The following ENKUR variants were observed in gnomAD, a reference collection of about 807,000 sequenced individuals.
The protein encoded by ENKUR is enkurin, TRPC channel interacting protein, also known as enkurin.
In ENKUR, 19 loss-of-function variants were observed where a neutral mutation model predicts 27.6. The ratio of observed to expected loss-of-function variants is 0.69; its 90% confidence interval spans 0.48 to 1.01. ENKUR has a LOEUF of 1.01. ENKUR is among the 50% of genes least tolerant of loss of function. ENKUR has a pLI of 0.00. For synonymous variants in ENKUR, 117 were observed against 96.9 expected (o/e 1.21, Z -1.22); for missense variants, 312 against 310.5 (o/e 1.00, Z -0.04).
At chr10:25,056,774 G>C (rs1475693833) in intron 2 of ENKUR, among the ~76,000 whole-genome samples, 3 of 152,162 alleles carry the variant, frequency 2.0e-5, no homozygotes, top group African/African-American at 7.2e-5. Flanking sequence ...TCATATCATT[G>C]GGGTGTCAAT....
upstream of ENKUR, among the ~76,000 whole-genome samples, chr10:25,020,554 T>C (rs11014350): frequency 0.25 from 38,372 of 151,622 alleles, 5,705 homozygotes; most frequent in East Asian, 0.5. Context: ...ATTGCTTGAG[T>C]TCAGGAGTTC....
Position 24,984,117 on chromosome 10 carries a change from C to T in ENKUR, c.*253G>A. The T allele has an allele frequency of 2.5e-6, 1 of 405,994 alleles. No homozygotes were observed. 25.1% of individuals were successfully genotyped at this position (405,994 alleles called of 1,614,324 possible). On this transcript the variant is annotated 3_prime_UTR_variant, in exon 6 of 6. Coordinates refer to ENST00000331161, the MANE Select transcript of ENKUR (RefSeq NM_145010.4). ...CAATGATGCCTTTATAAGTTGTCATCTTGATTTTGTAAGTTGTCTTCTTAA... is the reference window on the plus strand; with the variant it reads ...CAATGATGCCTTTATAAGTTGTCATTTTGATTTTGTAAGTTGTCTTCTTAA...
intron 2 of ENKUR, among the ~76,000 whole-genome samples, chr10:25,050,129 AACTC>A (rs1335834912): frequency 6.6e-6 from 1 of 152,124 alleles, no homozygotes; most frequent in African/African-American, 2.4e-5. Context: ...ACTGAGCAAG[AACTC>A]ACTCATCACC....
chr10:25,008,734 G>T lies in ENKUR; in HGVS notation c.77+7126C>A, dbSNP rs900806982. On this transcript the variant is annotated intron_variant, in intron 1 of 5. Transcript: ENST00000331161. ...GGATCTAGAACTAGAAATACCATTT[G>T]ACCCAGCCATCCCATTACTGGGTAT... 4.6e-5 allele frequency among the ~76,000 whole-genome samples: 7 copies of T among 152,284 alleles called. No homozygotes were observed. In the East Asian group the frequency reaches 1.4e-3, roughly 29 times the overall value.
At chr10:25,000,953 T>G (rs1850177234) in intron 1 of ENKUR, among the ~76,000 whole-genome samples, 1 of 152,096 alleles carries the variant, frequency 6.6e-6, no homozygotes, top group South Asian at 2.1e-4. Context: ...TTATAGCATT[T>G]AACATGTGGT....
rs74122940 is a variant in ENKUR at position 25,050,739 on chromosome 10, C to T, written c.37+10373G>A. On this transcript the variant is annotated intron_variant, in intron 2 of 5. Transcript: ENST00000615958. ...CAGTGAAACCCAGGATTAGATGCTG[C>T]GGTTTGTGGAGAATTTCTTAAAAGG... is the stretch of plus-strand genomic sequence containing the variant. Among the ~76,000 whole-genome samples the T allele has an allele frequency of 4.8e-3, 737 of 152,092 alleles. 9 individuals carry two copies. Among genetic ancestry groups the T allele is most frequent in the African/African-American group, 0.017 (692 of 41,512 alleles).
intron 4 of ENKUR, among the ~76,000 whole-genome samples, chr10:24,985,185 G>T (rs540007168): frequency 6.6e-6 from 1 of 152,118 alleles, no homozygotes; most frequent in Non-Finnish European, 1.5e-5. Context: ...AAATGTACAC[G>T]CAGAGTTATG....
upstream of ENKUR, chr10:25,016,801 G>C (rs1044429103): frequency 6.6e-6 from 1 of 152,544 alleles, no homozygotes; most frequent in Non-Finnish European, 1.5e-5. Context: ...TGAGTTATTG[G>C]AGGAGAAAGG....
At chr10:24,992,664 A>G (rs887045360) in intron 3 of ENKUR, among the ~76,000 whole-genome samples, 3 of 152,232 alleles carry the variant, frequency 2.0e-5, no homozygotes, top group Non-Finnish European at 4.4e-5. Context: ...ACAACCCTCA[A>G]AGGGCACGTG....
chr10:25,040,396 G>A (rs1384512936), intron 2 of ENKUR, among the ~76,000 whole-genome samples: 41 of 132,918 alleles, frequency 3.1e-4, no homozygotes, highest in Admixed American at 3.0e-3. Context: ...TTTTGAGACC[G>A]AGTCTCGCTC....
At chr10:24,984,525 A>G in intron 5 of ENKUR, 149 bp from the exon 6 acceptor site, 2 of 1,190,906 alleles carry the variant, frequency 1.7e-6, no homozygotes, top group Non-Finnish European at 2.3e-6. Context: ...AATAGTTTAT[A>G]TGTGGAAAAC....
intron 2 of ENKUR, among the ~76,000 whole-genome samples, chr10:25,053,642 T>C (rs753198025): frequency 6.6e-6 from 1 of 152,170 alleles, no homozygotes; most frequent in East Asian, 1.9e-4. Flanking sequence ...ATAGTAATAT[T>C]AACAATATTA....
intron 2 of ENKUR, among the ~76,000 whole-genome samples, chr10:25,059,208 C>T (rs1224874972): frequency 6.7e-6 from 1 of 148,908 alleles, no homozygotes; most frequent in African/African-American, 2.5e-5. Flanking sequence ...TCTCTGGTCA[C>T]TGCAACCTCT....
chr10:25,027,769 T>C (rs891512951), intron 2 of ENKUR, among the ~76,000 whole-genome samples: 3 of 151,480 alleles, frequency 2.0e-5, no homozygotes, highest in African/African-American at 4.9e-5. Context: ...TAGTCCCAGC[T>C]ACCCATGAGG....
intron 2 of ENKUR, among the ~76,000 whole-genome samples, chr10:25,037,372 A>G (rs1278974904): frequency 1.3e-5 from 2 of 152,222 alleles, no homozygotes; most frequent in Non-Finnish European, 1.5e-5. Flanking sequence ...GTAGCTTTAT[A>G]GGATTTGGTG....
At chr10:25,031,925 C>T (rs1227076999) in intron 2 of ENKUR, among the ~76,000 whole-genome samples, 1 of 151,972 alleles carries the variant, frequency 6.6e-6, no homozygotes, top group African/African-American at 2.4e-5. Context: ...CCTCCCACCT[C>T]AGCCTCCCAA....
chr10:25,007,189 T>C (rs1421821987), intron 1 of ENKUR, among the ~76,000 whole-genome samples: 3 of 152,188 alleles, frequency 2.0e-5, no homozygotes, highest in Admixed American at 6.5e-5. Flanking sequence ...TGAATTCTCA[T>C]ATACAATATA....
At chr10:25,020,238 A>ATATATCTATCTATATCTATATC (rs1554772124), upstream of ENKUR, among the ~76,000 whole-genome samples, 9 of 126,564 alleles carry the variant, frequency 7.1e-5, no homozygotes, top group African/African-American at 2.4e-4. Flanking sequence ...TTTCTTTAAA[A>ATATATCTATCTATATCTATATC]TATATCTATA....
intron 2 of ENKUR, among the ~76,000 whole-genome samples, chr10:25,031,281 A>G (rs959095349): frequency 2.6e-5 from 4 of 152,220 alleles, no homozygotes; most frequent in African/African-American, 9.7e-5. Context: ...CAGAAGGTAT[A>G]TGGGATTTCA....
Sources: allele counts gnomAD v4.1 joint callset (sites outside exome capture counted in the v4.1 genomes callset), GRCh38; gene constraint gnomAD v4.1.1; transcripts MANE v1.5; gene names NCBI Gene and HGNC (gene_info 2026-07-23, HGNC 2026-07-21).